KIAA0513: variants seen among roughly 807,000 people sequenced by gnomAD.
The protein encoded by KIAA0513 is uncharacterized protein KIAA0513.
A neutral mutation model predicts 56.5 loss-of-function variants in KIAA0513; 39 were observed. The observed-to-expected ratio is 0.69, with a 90% CI of 0.53 to 0.90. KIAA0513 has a LOEUF of 0.90. KIAA0513 is among the 40% of genes least tolerant of loss of function. The pLI, the probability that KIAA0513 is intolerant of heterozygous loss-of-function variation, is 0.00. For synonymous variants in KIAA0513, 268 were observed against 215.6 expected (o/e 1.24, Z -2.13); for missense variants, 591 against 535.2 (o/e 1.10, Z -1.03).
intron 1 of KIAA0513, among the ~76,000 whole-genome samples, chr16:85,036,387 G>A (rs72658729): frequency 0.022 from 3,312 of 152,290 alleles, 95 homozygotes; most frequent in African/African-American, 0.068. Context: ...CTGACTCTGT[G>A]GATTCGCCTG....
intron 1 of KIAA0513, 31 bp from the exon 2 acceptor site, chr16:85,066,869 G>T (rs73253027): frequency 2.0e-6 from 1 of 504,952 alleles, no homozygotes; most frequent in East Asian, 3.3e-5. Context: ...GAGGAGTGGC[G>T]CTAATGTCTG....
chr16:85,038,377 C>G (rs2073062299), intron 1 of KIAA0513, among the ~76,000 whole-genome samples: 1 of 152,190 alleles, frequency 6.6e-6, no homozygotes, highest in Non-Finnish European at 1.5e-5. Context: ...ATCTAGCAGC[C>G]ACATTAAACA....
chr16:85,086,759 G>A (rs757298850), intron 11 of KIAA0513, 35 bp downstream of exon 11: 27 of 1,331,810 alleles, frequency 2.0e-5, no homozygotes, highest in Admixed American at 1.4e-4. Context: ...GAGGGGAGAG[G>A]GGGGAGGGCC....
At chr16:85,057,882 A>G (rs1020480071) in intron 1 of KIAA0513, among the ~76,000 whole-genome samples, 5 of 151,392 alleles carry the variant, frequency 3.3e-5, no homozygotes, top group Non-Finnish European at 7.4e-5. Flanking sequence ...GTGTGTCTGC[A>G]CACGGCTTGG....
At chr16:85,039,366 G>A (rs1338700269) in intron 1 of KIAA0513, among the ~76,000 whole-genome samples, 1 of 151,870 alleles carries the variant, frequency 6.6e-6, no homozygotes, top group Non-Finnish European at 1.5e-5. Context: ...GCAGTTGCAC[G>A]ATCAGGGCTC....
At chr16:85,087,002 C>G in intron 11 of KIAA0513, 70 bp from the exon 12 acceptor site, 1 of 1,439,170 alleles carries the variant, frequency 6.9e-7, no homozygotes, top group Non-Finnish European at 9.7e-7. Flanking sequence ...GTCCCAGAGA[C>G]AAGGGCCCAG....
intron 1 of KIAA0513, among the ~76,000 whole-genome samples, chr16:85,061,510 G>T (rs1597617614): frequency 1.3e-5 from 2 of 152,286 alleles, no homozygotes; most frequent in Admixed American, 1.3e-4. Flanking sequence ...GTTGCCTGAG[G>T]TTTTGCACAC....
At chr16:85,079,088 T>C (rs561337044) in intron 8 of KIAA0513, 85 bp downstream of exon 8, 626 of 1,603,748 alleles carry the variant, frequency 3.9e-4, no homozygotes, top group Admixed American at 9.5e-4. Flanking sequence ...GCTGCCTTTG[T>C]CCCCATCAGA....
chr16:85,049,748 C>G (rs1455062935), intron 1 of KIAA0513, among the ~76,000 whole-genome samples: 1 of 152,152 alleles, frequency 6.6e-6, no homozygotes, highest in Non-Finnish European at 1.5e-5. Flanking sequence ...TCCAATTGAA[C>G]CTTTGGTTTT....
chr16:85,047,313 C>G (rs1423532147), intron 1 of KIAA0513, among the ~76,000 whole-genome samples: 2 of 152,162 alleles, frequency 1.3e-5, no homozygotes, highest in African/African-American at 2.4e-5. Flanking sequence ...CCCAGGAGCT[C>G]GTAACAACTT....
At chr16:85,068,340 GT>G (rs564228214) in intron 2 of KIAA0513, among the ~76,000 whole-genome samples, 8 of 132,818 alleles carry the variant, frequency 6.0e-5, no homozygotes, top group African/African-American at 8.4e-5. Flanking sequence ...TATTTTTTTT[GT>G]TTTTTTTTTG....
chr16:85,041,771 G>C (rs1289189226), intron 1 of KIAA0513, among the ~76,000 whole-genome samples: 1 of 152,276 alleles, frequency 6.6e-6, no homozygotes, highest in Non-Finnish European at 1.5e-5. Flanking sequence ...GGGTTCCCCT[G>C]TTTCTCTGTG....
At chr16:85,077,392 ACTGGCCTCGT>A (rs763060242) in intron 5 of KIAA0513, 23 bp from the exon 6 acceptor site, 11 of 1,607,092 alleles carry the variant, frequency 6.8e-6, no homozygotes, top group Non-Finnish European at 9.4e-6. Context: ...CCCCAGCCTC[ACTGGCCTCGT>A]CTTGTTCCCT....
intron 1 of KIAA0513, among the ~76,000 whole-genome samples, chr16:85,045,252 C>T (rs1328191054): frequency 1.3e-5 from 2 of 152,228 alleles, no homozygotes; most frequent in Admixed American, 1.3e-4. Context: ...GCTGGGGCTA[C>T]CACACATGCC....
At position 85,086,391 on chromosome 16, in the gene KIAA0513, G is replaced by A. The variant is rs565226376; in HGVS notation, c.1011-253G>A. 1.8e-4 allele frequency among the ~76,000 whole-genome samples: 28 copies of A among 152,362 alleles called. 1 individual carries two copies. The South Asian group carries it at 4.3e-3, about 24-fold the overall frequency. On this transcript the variant is annotated intron_variant, in intron 10 of 12. Coordinates refer to ENST00000683363, the MANE Select transcript of KIAA0513 (RefSeq NM_001388359.1). ...CTCCGTGCCTTCAGGGCCATAAAGA[G>A]CACTTTCATTTCCACGTCTCTTTAT...
intron 1 of KIAA0513, among the ~76,000 whole-genome samples, chr16:85,043,023 C>T (rs979421653): frequency 2.0e-5 from 3 of 152,290 alleles, no homozygotes; most frequent in African/African-American, 2.4e-5. Flanking sequence ...TTAACAACTA[C>T]GAGCTTTATA....
chr16:85,087,422 C>T (rs2073822598), intron 12 of KIAA0513, among the ~76,000 whole-genome samples: 1 of 152,182 alleles, frequency 6.6e-6, no homozygotes, highest in African/African-American at 2.4e-5. Context: ...TGGGTGTTCA[C>T]AGTCAGGGCA....
chr16:85,077,865 C>G (rs564856972), intron 6 of KIAA0513, among the ~76,000 whole-genome samples: 5 of 152,310 alleles, frequency 3.3e-5, no homozygotes, highest in African/African-American at 1.2e-4. Context: ...GATGAGGAGC[C>G]CAAGGGATTG....
chr16:85,044,305 G>A (rs752842749), intron 1 of KIAA0513, among the ~76,000 whole-genome samples: 33 of 152,044 alleles, frequency 2.2e-4, no homozygotes, highest in Non-Finnish European at 3.5e-4. Flanking sequence ...CCCCAGGAAG[G>A]CATGTCGAGT....
Sources: gnomAD v4.1 joint callset for allele counts (sites outside exome capture counted in the v4.1 genomes callset) on GRCh38, gnomAD v4.1.1 for gene constraint, MANE v1.5 for transcripts, NCBI Gene and HGNC (gene_info 2026-07-23, HGNC 2026-07-21) for gene names.